Variants in EGFLAM observed in about 807,000 individuals in gnomAD.
EGFLAM encodes the protein EGF like, fibronectin type III and laminin G domains, also known as pikachurin.
EGFLAM carries 79 observed loss-of-function variants against 113.1 expected under a neutral mutation model. The observed-to-expected ratio is 0.70, with a 90% CI of 0.58 to 0.84. EGFLAM has a LOEUF of 0.84. Ranked by LOEUF, EGFLAM falls within the 40% of genes least tolerant of loss-of-function variation. EGFLAM has a pLI of 0.00. For missense variants in EGFLAM, 1,265 were observed against 1,291.6 expected, an observed-to-expected ratio of 0.98 and a Z score of 0.32; for synonymous variants, 504 against 487.6, an observed-to-expected ratio of 1.03 and a Z score of -0.44.
intron 3 of EGFLAM, among the ~76,000 whole-genome samples, chr5:38,345,021 C>T (rs1005970467): frequency 6.6e-6 from 1 of 152,230 alleles, no homozygotes; most frequent in African/African-American, 2.4e-5. Flanking sequence ...AGGTGACAGA[C>T]TGTGAATGGA....
rs181515221 is a variant in EGFLAM at position 38,435,709 on chromosome 5, T to C, written c.2283+456T>C. On this transcript the variant is annotated intron_variant, in intron 16 of 21. Coordinates refer to ENST00000322350, the MANE Select transcript of EGFLAM (RefSeq NM_152403.4). The stretch of plus-strand genomic sequence containing the variant: ...TTTAGCAGTTGGTGTTCATTGATCA[T>C]GTAACCAAGCTCTTAAGAGCATAGA... Among the ~76,000 whole-genome samples the C allele has an allele frequency of 2.0e-3, 307 of 151,962 alleles. 2 individuals carry two copies. Among genetic ancestry groups the C allele is most frequent in the Non-Finnish European group, 3.6e-3 (242 of 67,966 alleles).
At chr5:38,351,196 C>T (rs1328209563) in intron 4 of EGFLAM, among the ~76,000 whole-genome samples, 2 of 151,526 alleles carry the variant, frequency 1.3e-5, no homozygotes, top group Non-Finnish European at 2.9e-5. Flanking sequence ...GCAACCTCCA[C>T]CTCCTGGGTT....
chr5:38,356,371 C>T (rs1344134412), intron 5 of EGFLAM, among the ~76,000 whole-genome samples: 2 of 152,210 alleles, frequency 1.3e-5, no homozygotes, highest in Non-Finnish European at 2.9e-5. Context: ...AGCTCTTGCT[C>T]ATACTCCTCA....
chr5:38,267,664 C>G (rs773212915), intron 1 of EGFLAM, among the ~76,000 whole-genome samples: 1 of 152,164 alleles, frequency 6.6e-6, no homozygotes, highest in African/African-American at 2.4e-5. Context: ...CTAGAAGGCA[C>G]CGCTCTGGCA....
chr5:38,422,867 A>G (rs920489126), intron 12 of EGFLAM, among the ~76,000 whole-genome samples: 2 of 152,152 alleles, frequency 1.3e-5, no homozygotes, highest in African/African-American at 4.8e-5. Flanking sequence ...GAAGATACAG[A>G]TGCAATATAT....
chr5:38,270,909 G>A (rs1757750862), intron 1 of EGFLAM, among the ~76,000 whole-genome samples: 1 of 152,092 alleles, frequency 6.6e-6, no homozygotes, highest in Non-Finnish European at 1.5e-5. Flanking sequence ...TATATTTATT[G>A]TAACCCCAAA....
intron 15 of EGFLAM, 73 bp from the exon 16 acceptor site, chr5:38,435,064 C>A: frequency 7.6e-7 from 1 of 1,317,658 alleles, no homozygotes; most frequent in Non-Finnish European, 1.1e-6. Flanking sequence ...CAACAGGGAA[C>A]TGAAGACACA....
chr5:38,329,999 G>A (rs556811408), intron 1 of EGFLAM, among the ~76,000 whole-genome samples: 73 of 152,200 alleles, frequency 4.8e-4, no homozygotes, highest in African/African-American at 1.5e-3. Context: ...AGCAGGGTCC[G>A]ATTTAAATAC....
At chr5:38,352,696 C>T (rs1114174) in intron 5 of EGFLAM, among the ~76,000 whole-genome samples, 59,213 of 150,160 alleles carry the variant, frequency 0.39, 13,128 homozygotes, top group African/African-American at 0.62. Flanking sequence ...CCAAGCCTGA[C>T]GTAAGACAAT....
chr5:38,408,024 T>C, intron 9 of EGFLAM, 119 bp downstream of exon 9: 1 of 701,684 alleles, frequency 1.4e-6, no homozygotes, highest in Non-Finnish European at 2.5e-6. Flanking sequence ...AAGGTAAATA[T>C]GACACAGAGC....
chr5:38,299,735 C>G (rs1458786148), intron 1 of EGFLAM, among the ~76,000 whole-genome samples: 1 of 152,172 alleles, frequency 6.6e-6, no homozygotes, highest in African/African-American at 2.4e-5. Flanking sequence ...CTCCCCCACT[C>G]TCTCTTGCTC....
intron 6 of EGFLAM, 103 bp from the exon 7 acceptor site, chr5:38,406,023 C>T (rs907800899): frequency 1.0e-5 from 9 of 880,672 alleles, no homozygotes; most frequent in South Asian, 9.4e-5. Flanking sequence ...TTCCAATACA[C>T]TGCGTTCCAT....
At chr5:38,404,817 C>T (rs1329328957) in intron 6 of EGFLAM, among the ~76,000 whole-genome samples, 1 of 152,146 alleles carries the variant, frequency 6.6e-6, no homozygotes, top group Non-Finnish European at 1.5e-5. Flanking sequence ...GGCCCAAATC[C>T]ACTGTGAGGA....
Position 38,338,794 on chromosome 5 carries a change from A to T in EGFLAM, c.291+13A>T. The T allele has an allele frequency of 6.2e-7, 1 of 1,613,464 alleles. No homozygotes were observed. The highest frequency in any genetic ancestry group is 8.5e-7 in the Non-Finnish European group (1 of 1,179,390). The stretch of plus-strand genomic sequence containing the variant: ...CATCCCGACCACGGTGAGTCTTTCC[A>T]TCCTGGCAGCCCACTCAAAAGCATG... On this transcript the variant is annotated intron_variant, in intron 3 of 21. Coordinates refer to ENST00000322350, the MANE Select transcript of EGFLAM (RefSeq NM_152403.4).
At chr5:38,447,373 C>T (rs1010151571) in intron 17 of EGFLAM, among the ~76,000 whole-genome samples, 2 of 152,212 alleles carry the variant, frequency 1.3e-5, no homozygotes, top group African/African-American at 4.8e-5. Context: ...ATGCTTTCTA[C>T]TCCTCACTTT....
At chr5:38,377,351 C>G (rs1740394194) in intron 6 of EGFLAM, among the ~76,000 whole-genome samples, 1 of 151,984 alleles carries the variant, frequency 6.6e-6, no homozygotes, top group African/African-American at 2.4e-5. Flanking sequence ...ACCATGTTGG[C>G]CAGGGTGGTC....
At chr5:38,332,017 G>A (rs1006963077) in intron 1 of EGFLAM, among the ~76,000 whole-genome samples, 1 of 152,158 alleles carries the variant, frequency 6.6e-6, no homozygotes, top group East Asian at 1.9e-4. Context: ...CTTCCAAAGG[G>A]GCTGTACCAT....
intron 1 of EGFLAM, among the ~76,000 whole-genome samples, chr5:38,300,847 T>C (rs994610127): frequency 6.6e-6 from 1 of 152,124 alleles, no homozygotes; most frequent in Non-Finnish European, 1.5e-5. Flanking sequence ...GGGCAATACT[T>C]TGAAGATAAA....
At chr5:38,294,025 A>C (rs1579737278) in intron 1 of EGFLAM, among the ~76,000 whole-genome samples, 1 of 152,342 alleles carries the variant, frequency 6.6e-6, no homozygotes, top group East Asian at 1.9e-4. Context: ...AAACCACACC[A>C]AAACTCAATG....
Sources: allele counts gnomAD v4.1 joint callset (sites outside exome capture counted in the v4.1 genomes callset), GRCh38; gene constraint gnomAD v4.1.1; transcripts MANE v1.5; gene names NCBI Gene and HGNC (gene_info 2026-07-23, HGNC 2026-07-21).